Variants in SLC39A9 observed in about 807,000 individuals in gnomAD.
The protein encoded by SLC39A9 is zinc transporter ZIP9.
In SLC39A9, 14 loss-of-function variants were observed where a neutral mutation model predicts 28.4. That is an observed-to-expected ratio of 0.49 (90% confidence interval 0.33 to 0.77). SLC39A9 has a LOEUF of 0.77. Ranked by LOEUF, SLC39A9 falls within the 30% of genes least tolerant of loss-of-function variation. SLC39A9 has a pLI of 0.02. For missense variants in SLC39A9, 283 were observed against 381.1 expected, an observed-to-expected ratio of 0.74 and a Z score of 2.14; for synonymous variants, 119 against 149.6, an observed-to-expected ratio of 0.80 and a Z score of 1.49.
At chr14:69,446,379 A>G (rs549938135) in intron 3 of SLC39A9, among the ~76,000 whole-genome samples, 5 of 151,920 alleles carry the variant, frequency 3.3e-5, no homozygotes, top group Middle Eastern at 3.4e-3. Flanking sequence ...GAGAAGACTC[A>G]GGGCTGATTC....
At chr14:69,416,655 A>C (rs1162616699) in intron 1 of SLC39A9, among the ~76,000 whole-genome samples, 1 of 152,062 alleles carries the variant, frequency 6.6e-6, no homozygotes, top group Admixed American at 6.5e-5. Flanking sequence ...CTTTTTATTG[A>C]TCGCCATTCT....
intron 1 of SLC39A9, among the ~76,000 whole-genome samples, chr14:69,412,733 T>C (rs1347632402): frequency 6.6e-6 from 1 of 152,206 alleles, no homozygotes; most frequent in African/African-American, 2.4e-5. Flanking sequence ...TAAAGATCTC[T>C]GCCCTGACAG....
chr14:69,413,248 C>T (rs1033613755), intron 1 of SLC39A9, among the ~76,000 whole-genome samples: 4 of 151,894 alleles, frequency 2.6e-5, no homozygotes, highest in East Asian at 1.9e-4. Context: ...CCCAGCTACT[C>T]GGGAGGCTGA....
intron 3 of SLC39A9, among the ~76,000 whole-genome samples, chr14:69,446,154 G>A (rs1255631946): frequency 6.6e-6 from 1 of 151,956 alleles, no homozygotes; most frequent in Non-Finnish European, 1.5e-5. Context: ...AAGTGTGGAA[G>A]AAGGAACACA....
At chr14:69,430,826 C>T (rs1451437364) in intron 2 of SLC39A9, among the ~76,000 whole-genome samples, 1 of 152,012 alleles carries the variant, frequency 6.6e-6, no homozygotes, top group Non-Finnish European at 1.5e-5. Flanking sequence ...TAGAGACAGC[C>T]TCACTCTGTT....
At chr14:69,413,710 C>T (rs928121728) in intron 1 of SLC39A9, among the ~76,000 whole-genome samples, 1 of 151,844 alleles carries the variant, frequency 6.6e-6, no homozygotes, top group Non-Finnish European at 1.5e-5. Context: ...GCATGAATAT[C>T]ATCTTTTTTG....
At chr14:69,429,868 G>C (rs1028123357) in intron 2 of SLC39A9, among the ~76,000 whole-genome samples, 3 of 152,152 alleles carry the variant, frequency 2.0e-5, no homozygotes, top group South Asian at 2.1e-4. Context: ...TCAACACTTA[G>C]TGTTGTCTGT....
At chr14:69,408,628 T>C (rs1366504947) in intron 1 of SLC39A9, among the ~76,000 whole-genome samples, 1 of 152,164 alleles carries the variant, frequency 6.6e-6, no homozygotes, top group Non-Finnish European at 1.5e-5. Flanking sequence ...ATATGAAGTC[T>C]CCTGAATTTT....
Position 69,442,187 on chromosome 14 carries a change from T to G in SLC39A9, c.324T>G (p.Ile108Met). ...ACCACACACAGCTGCATGCCTATATTGGTGTTTCCCTCGTTCTGGGCTTCG... is the reference window on the plus strand; with the variant it reads ...ACCACACACAGCTGCATGCCTATATGGGTGTTTCCCTCGTTCTGGGCTTCG... ...SHDHTQLHAY[I>M]GVSLVLGFVF... Residue 108 changes from isoleucine (I) to methionine (M), a missense_variant, in exon 3 of 7, where the codon ATT (isoleucine) becomes ATG (methionine). Physicochemically the swap from Ile to Met is conservative, Grantham distance 10. Transcript: ENST00000336643. The G allele has an allele frequency of 6.2e-7, 1 of 1,614,208 alleles. No individual in the cohort carries two copies. The highest frequency in any genetic ancestry group is 8.5e-7 in the Non-Finnish European group (1 of 1,180,026).
intron 2 of SLC39A9, among the ~76,000 whole-genome samples, chr14:69,433,633 C>A (rs937712773): frequency 5.3e-5 from 8 of 152,116 alleles, no homozygotes; most frequent in African/African-American, 1.9e-4. Flanking sequence ...TAGGACTGTT[C>A]AAGTTACCTG....
At chr14:69,407,895 G>T (rs1040537679) in intron 1 of SLC39A9, among the ~76,000 whole-genome samples, 1 of 152,076 alleles carries the variant, frequency 6.6e-6, no homozygotes, top group African/African-American at 2.4e-5. Context: ...CTCCCAAAGT[G>T]CTGGGATTAC....
At chr14:69,409,566 G>A (rs1164241276) in intron 1 of SLC39A9, among the ~76,000 whole-genome samples, 1 of 152,088 alleles carries the variant, frequency 6.6e-6, no homozygotes, top group Non-Finnish European at 1.5e-5. Flanking sequence ...CAAACTCCTG[G>A]GCTCAAGTAA....
At chr14:69,425,514 A>G (rs1884142052) in intron 2 of SLC39A9, among the ~76,000 whole-genome samples, 1 of 152,234 alleles carries the variant, frequency 6.6e-6, no homozygotes, top group Non-Finnish European at 1.5e-5. Context: ...ATTTTTAACA[A>G]GCTGTCTGCA....
At chr14:69,402,856 C>T (rs889474587) in intron 1 of SLC39A9, among the ~76,000 whole-genome samples, 1 of 151,964 alleles carries the variant, frequency 6.6e-6, no homozygotes, top group East Asian at 1.9e-4. Flanking sequence ...CTGAGGTGGG[C>T]GGATTACCTG....
intron 1 of SLC39A9, among the ~76,000 whole-genome samples, chr14:69,422,900 G>A (rs905185534): frequency 1.3e-5 from 2 of 152,160 alleles, no homozygotes; most frequent in African/African-American, 2.4e-5. Flanking sequence ...AGGGTATACT[G>A]CTGCTTCAAG....
chr14:69,410,001 C>G (rs1310582532), intron 1 of SLC39A9, among the ~76,000 whole-genome samples: 2 of 152,006 alleles, frequency 1.3e-5, no homozygotes, highest in African/African-American at 4.8e-5. Flanking sequence ...CAGTTGAACT[C>G]TTATGTATCA....
rs534223125 is a variant in SLC39A9, at chr14:69,459,871, A to C, written c.*1278A>C. Reference sequence around the variant, plus strand: ...ACCACTTCTCGAACTGTAATAATGAAGATAATAATATCTTTATTCTTTATC... The same window carrying C: ...ACCACTTCTCGAACTGTAATAATGACGATAATAATATCTTTATTCTTTATC... On this transcript the variant is annotated 3_prime_UTR_variant, in exon 7 of 7. Coordinates refer to ENST00000336643, the MANE Select transcript of SLC39A9 (RefSeq NM_018375.5). 1.0e-6 allele frequency: 1 copy of C among 985,050 alleles called. No individual in the cohort carries two copies. The highest frequency in any genetic ancestry group is 1.2e-6 in the Non-Finnish European group (1 of 829,706). 61.0% of individuals were successfully genotyped at this position (985,050 alleles called of 1,614,324 possible). A position where few individuals can be genotyped will look rare whatever the true frequency, so the allele number is the denominator to read the frequency against.
chr14:69,425,944 T>G (rs1454284145), intron 2 of SLC39A9, among the ~76,000 whole-genome samples: 1 of 152,098 alleles, frequency 6.6e-6, no homozygotes, highest in African/African-American at 2.4e-5. Context: ...GGATTACAGG[T>G]GTGAGACACC....
In SLC39A9 at chr14:69,461,559, AT is replaced by A; in HGVS notation, c.*2970del. On this transcript the variant is annotated 3_prime_UTR_variant, in exon 7 of 7. Transcript: ENST00000336643. ...ACAGCCAAGTGAGCCCTGTTCTGGTATTTTGAATCATTAGAGAAAAGAAAGG... is the reference window on the plus strand; with the variant it reads ...ACAGCCAAGTGAGCCCTGTTCTGGTATTTGAATCATTAGAGAAAAGAAAGG... 2 of 1,485,378 alleles carry A rather than the reference AT, an allele frequency of 1.3e-6. No individual in the cohort carries two copies. The highest frequency in any genetic ancestry group is 1.8e-6 in the Non-Finnish European group (2 of 1,122,562). The allele number at this position is 1,485,378 out of a possible 1,614,324, so 92.0% of individuals were successfully genotyped here.
Sources: gnomAD v4.1 joint callset for allele counts (sites outside exome capture counted in the v4.1 genomes callset) on GRCh38, gnomAD v4.1.1 for gene constraint, MANE v1.5 for transcripts, NCBI Gene and HGNC (gene_info 2026-07-23, HGNC 2026-07-21) for gene names.